RPS6KA2: variants seen among roughly 807,000 people sequenced by gnomAD.
The protein encoded by RPS6KA2 is ribosomal protein S6 kinase A2.
RPS6KA2 carries 42 observed loss-of-function variants against 91.8 expected under a neutral mutation model. That is an observed-to-expected ratio of 0.46 (90% CI 0.36 to 0.59). RPS6KA2 has a LOEUF of 0.59. Among genes scored for constraint, RPS6KA2 ranks in the 20% least tolerant of loss-of-function variants. The pLI, the probability that RPS6KA2 is intolerant of heterozygous loss-of-function variation, is 0.00. For synonymous variants in RPS6KA2, 414 were observed against 393.6 expected, an observed-to-expected ratio of 1.05 and a Z score of -0.61; for missense variants, 798 against 978.5, an observed-to-expected ratio of 0.82 and a Z score of 2.46.
intron 2 of RPS6KA2, among the ~76,000 whole-genome samples, chr6:166,812,682 C>T (rs1779670840): frequency 6.6e-6 from 1 of 152,188 alleles, no homozygotes; most frequent in Non-Finnish European, 1.5e-5. Flanking sequence ...CTTCACATCT[C>T]ACTCCAGGAA....
At chr6:166,681,161 C>A (rs567309791) in intron 2 of RPS6KA2, among the ~76,000 whole-genome samples, 3 of 152,178 alleles carry the variant, frequency 2.0e-5, no homozygotes, top group Non-Finnish European at 4.4e-5. Context: ...GTGTCCACCC[C>A]ACTGCGTTTA....
At position 166,767,773 on chromosome 6, in the gene RPS6KA2, A is replaced by AC. The variant is rs1778356818; in HGVS notation, c.123+90426_123+90427insG. ...TAAGAACTAAAGACAATACCTCCTC[A>AC]AACACACACACACACACACACACAC... On this transcript the variant is annotated intron_variant, in intron 2 of 21. Transcript: ENST00000503859. The surrounding 1 kb of genome is among the most constrained non-coding windows in gnomAD (Gnocchi z 4.6). Among the ~76,000 whole-genome samples the AC allele has an allele frequency of 2.7e-4, 18 of 67,404 alleles. No homozygotes were observed. Among genetic ancestry groups the AC allele is most frequent in the South Asian group, 2.4e-3 (5 of 2,100 alleles). 44.2% of individuals were successfully genotyped at this position (67,404 alleles called of 152,430 possible).
rs548877997 is a variant in RPS6KA2, at chr6:166,472,018, C to T, written c.908-2113G>A. Among the ~76,000 whole-genome samples, 9 of 152,352 alleles carry T rather than the reference C, an allele frequency of 5.9e-5. No homozygotes were observed. The South Asian group carries it at 1.4e-3, about 25-fold the overall frequency. On this transcript the variant is annotated intron_variant, in intron 10 of 20. Coordinates refer to ENST00000265678, the MANE Select transcript of RPS6KA2 (RefSeq NM_021135.6). ...CAAACAGCCCTCCCCAAGCGCCCAT[C>T]CTGTGTGCAGGCCTCCTTTGATGAT...
intron 2 of RPS6KA2, among the ~76,000 whole-genome samples, chr6:166,727,633 C>T (rs1379320326): frequency 6.6e-6 from 1 of 152,122 alleles, no homozygotes; most frequent in Non-Finnish European, 1.5e-5. Context: ...CCTAAGGCAC[C>T]AGCATCCTGA....
chr6:166,499,396 T>C (rs1781935253), intron 7 of RPS6KA2, among the ~76,000 whole-genome samples: 2 of 152,214 alleles, frequency 1.3e-5, no homozygotes, highest in African/African-American at 2.4e-5. Flanking sequence ...GGCCACCTTA[T>C]GTGGCAGAAG....
intron 19 of RPS6KA2, among the ~76,000 whole-genome samples, chr6:166,415,122 A>C (rs16898911): frequency 0.012 from 1,796 of 152,372 alleles, 30 homozygotes; most frequent in African/African-American, 0.041. Context: ...ATTACTCATT[A>C]GAATTTTGGG....
At chr6:166,783,361 G>C (rs1331220133) in intron 2 of RPS6KA2, among the ~76,000 whole-genome samples, 6 of 152,066 alleles carry the variant, frequency 3.9e-5, no homozygotes, top group South Asian at 2.1e-4. Flanking sequence ...GAAGAGGAAG[G>C]AACTCTGTCT....
At chr6:166,436,135 T>C (rs1301009270) in intron 14 of RPS6KA2, among the ~76,000 whole-genome samples, 1 of 152,090 alleles carries the variant, frequency 6.6e-6, no homozygotes, top group Non-Finnish European at 1.5e-5. Context: ...ATTACAGAGA[T>C]AAAATAGAAT....
intron 2 of RPS6KA2, among the ~76,000 whole-genome samples, chr6:166,776,274 T>A (rs1321888274): frequency 6.6e-6 from 1 of 152,020 alleles, no homozygotes; most frequent in Non-Finnish European, 1.5e-5. Context: ...AGCTGAGTTG[T>A]AAGAAGGAAG....
chr6:166,664,100 C>G (rs1788247801), intron 2 of RPS6KA2, among the ~76,000 whole-genome samples: 1 of 152,254 alleles, frequency 6.6e-6, no homozygotes, highest in Admixed American at 6.5e-5. Context: ...ATGTGTCCAT[C>G]TGCACATTGC....
intron 2 of RPS6KA2, among the ~76,000 whole-genome samples, chr6:166,534,846 C>T (rs560958682): frequency 3.7e-4 from 56 of 152,338 alleles, no homozygotes; most frequent in African/African-American, 1.3e-3. Flanking sequence ...CTGCCTGACT[C>T]GCAAGCACAG....
chr6:166,498,701 G>C, intron 7 of RPS6KA2, 51 bp from the exon 8 acceptor site: 2 of 1,601,864 alleles, frequency 1.2e-6, no homozygotes, highest in African/African-American at 1.4e-5. Flanking sequence ...GTGTGTTCGG[G>C]GGTCCACACT....
At chr6:166,520,963 G>A (rs535601869) in intron 3 of RPS6KA2, among the ~76,000 whole-genome samples, 2 of 152,336 alleles carry the variant, frequency 1.3e-5, no homozygotes, top group South Asian at 2.1e-4. Context: ...AAAAGTAGGG[G>A]CCACTGGTGC....
chr6:166,432,582 G>T, intron 14 of RPS6KA2, 92 bp from the exon 15 acceptor site: 1 of 708,900 alleles, frequency 1.4e-6, no homozygotes, highest in Non-Finnish European at 2.5e-6. Flanking sequence ...ATAAAGTCTG[G>T]CCCCAGGTGG....
At chr6:166,442,346 C>T (rs1197388701) in intron 14 of RPS6KA2, among the ~76,000 whole-genome samples, 2 of 152,162 alleles carry the variant, frequency 1.3e-5, no homozygotes, top group Non-Finnish European at 2.9e-5. Context: ...GGACAGGGGT[C>T]GAGAGTGTGC....
At chr6:166,659,571 CT>C (rs1215685563) in intron 2 of RPS6KA2, among the ~76,000 whole-genome samples, 2 of 152,262 alleles carry the variant, frequency 1.3e-5, no homozygotes, top group Non-Finnish European at 2.9e-5. Flanking sequence ...TGAACATCTA[CT>C]CTGTGCAAGG....
intron 2 of RPS6KA2, among the ~76,000 whole-genome samples, chr6:166,734,931 G>A (rs980491353): frequency 6.6e-6 from 1 of 152,148 alleles, no homozygotes; most frequent in African/African-American, 2.4e-5. Context: ...TCTTGTTATG[G>A]CAATCAGTGA....
At chr6:166,743,487 G>A (rs538320838) in intron 2 of RPS6KA2, among the ~76,000 whole-genome samples, 33 of 152,350 alleles carry the variant, frequency 2.2e-4, no homozygotes, top group Middle Eastern at 6.8e-3. Context: ...AGTTGGGCAG[G>A]TGCTTGAGGC....
chr6:166,614,283 C>T lies in RPS6KA2; in HGVS notation c.99+12638G>A, dbSNP rs181617011. ...CCGAGCTTCCTACGCCTGTCGGAGG[C>T]TGAACATCTGGCTCTGGAATGCCAT... On this transcript the variant is annotated intron_variant, in intron 1 of 20. Transcript: ENST00000265678. Among the ~76,000 whole-genome samples the T allele has an allele frequency of 2.0e-5, 3 of 152,354 alleles. No individual in the cohort carries two copies. The East Asian group carries it at 5.8e-4, about 29-fold the overall frequency.
Sources: allele counts gnomAD v4.1 joint callset (sites outside exome capture counted in the v4.1 genomes callset), GRCh38; gene constraint gnomAD v4.1.1; non-coding constraint Gnocchi (gnomAD v3.1); transcripts MANE v1.5; gene names NCBI Gene and HGNC (gene_info 2026-07-23, HGNC 2026-07-21).